IPO11: variants seen among roughly 807,000 people sequenced by gnomAD.
The protein encoded by IPO11 is importin 11, also known as importin-11.
Under a neutral mutation model 143.2 loss-of-function variants are expected in IPO11, and 66 were observed. The ratio of observed to expected loss-of-function variants is 0.46; its 90% confidence interval spans 0.38 to 0.57. The LOEUF (loss-of-function observed/expected upper bound fraction) is 0.57. IPO11 is among the 20% of genes least tolerant of loss of function. The probability of loss-of-function intolerance (pLI) is 0.00; values close to 1 mark genes in which losing one functional copy is unlikely to be tolerated. For missense variants in IPO11, 1,026 were observed against 1,141.0 expected, an observed-to-expected ratio of 0.90 and a Z score of 1.45; for synonymous variants, 385 against 377.8, an observed-to-expected ratio of 1.02 and a Z score of -0.22.
intron 22 of IPO11, among the ~76,000 whole-genome samples, chr5:62,531,112 TGA>T (rs1375848258): frequency 3.3e-5 from 5 of 152,176 alleles, no homozygotes; most frequent in African/African-American, 1.2e-4. Context: ...CATTTATAAA[TGA>T]GAACATACAT....
At chr5:62,618,137 A>G (rs1746210322) in intron 29 of IPO11, among the ~76,000 whole-genome samples, 1 of 152,188 alleles carries the variant, frequency 6.6e-6, no homozygotes, top group Non-Finnish European at 1.5e-5. Flanking sequence ...TAGAACAGAA[A>G]TAGTACAGGT....
intron 21 of IPO11, among the ~76,000 whole-genome samples, chr5:62,528,702 A>T (rs1160887774): frequency 6.6e-6 from 1 of 152,160 alleles, no homozygotes; most frequent in East Asian, 1.9e-4. Context: ...GTATTTTCTC[A>T]ACAAAATATG....
intron 20 of IPO11, among the ~76,000 whole-genome samples, chr5:62,525,368 T>TTG (rs1182823548): frequency 5.3e-4 from 79 of 149,334 alleles, no homozygotes; most frequent in Middle Eastern, 3.4e-3. Flanking sequence ...TTTTTTTTTT[T>TTG]TGTGTGTGTG....
chr5:62,625,900 G>A (rs1441606163), intron 29 of IPO11, among the ~76,000 whole-genome samples: 2 of 152,172 alleles, frequency 1.3e-5, no homozygotes, highest in African/African-American at 4.8e-5. Flanking sequence ...ATTTTTTAGA[G>A]TAATCTTCTT....
intron 28 of IPO11, among the ~76,000 whole-genome samples, chr5:62,593,095 A>G (rs1234074931): frequency 1.3e-5 from 2 of 152,210 alleles, no homozygotes; most frequent in African/African-American, 2.4e-5. Context: ...TTAAAACACT[A>G]GTGATGAATG....
At chr5:62,533,806 A>G (rs955984256) in intron 22 of IPO11, among the ~76,000 whole-genome samples, 3 of 152,142 alleles carry the variant, frequency 2.0e-5, no homozygotes, top group Non-Finnish European at 4.4e-5. Flanking sequence ...ACAAGAAATA[A>G]AAGTTAGCCG....
At chr5:62,616,980 G>A (rs1327422490) in intron 29 of IPO11, among the ~76,000 whole-genome samples, 5 of 152,138 alleles carry the variant, frequency 3.3e-5, no homozygotes, top group Admixed American at 2.0e-4. Context: ...TGCCTTTAAA[G>A]GTTCTCATTC....
intron 13 of IPO11, among the ~76,000 whole-genome samples, chr5:62,488,218 G>C (rs1362389885): frequency 6.6e-6 from 1 of 152,194 alleles, no homozygotes; most frequent in East Asian, 1.9e-4. Flanking sequence ...GGAAATAATT[G>C]ATTATGGATT....
chr5:62,521,295 G>A (rs187733035), intron 20 of IPO11, among the ~76,000 whole-genome samples: 3 of 152,284 alleles, frequency 2.0e-5, no homozygotes, highest in East Asian at 1.9e-4. Flanking sequence ...TTGAGATATT[G>A]CATGTGCGAA....
intron 5 of IPO11, among the ~76,000 whole-genome samples, chr5:62,453,085 C>G (rs16890754): frequency 0.018 from 2,641 of 150,834 alleles, 256 homozygotes; most frequent in African/African-American, 0.063. Flanking sequence ...TATTTCAGGT[C>G]TGTTCTGAAT....
At chr5:62,518,343 C>G (rs574886455) in intron 20 of IPO11, among the ~76,000 whole-genome samples, 157 of 151,932 alleles carry the variant, frequency 1.0e-3, no homozygotes, top group African/African-American at 3.6e-3. Context: ...ACTCAGGAGG[C>G]TGAGGCAGGA....
intron 13 of IPO11, among the ~76,000 whole-genome samples, 179 bp downstream of exon 13, chr5:62,488,040 G>T (rs564433571): frequency 6.6e-6 from 1 of 152,190 alleles, no homozygotes; most frequent in Non-Finnish European, 1.5e-5. Context: ...GATAGGCCTT[G>T]AATTATAGTT....
chr5:62,417,321 ATTTTTTT>A lies in IPO11; in HGVS notation c.-7+4412_-7+4418del, dbSNP rs34767317. Among the ~76,000 whole-genome samples the A allele has an allele frequency of 3.1e-4, 20 of 65,348 alleles. 1 individual carries two copies. The highest frequency in any genetic ancestry group is 8.9e-4 in the African/African-American group (14 of 15,726). 42.9% of individuals were successfully genotyped at this position (65,348 alleles called of 152,430 possible). A position where few individuals can be genotyped will look rare whatever the true frequency, so the allele number is the denominator to read the frequency against. The stretch of plus-strand genomic sequence containing the variant: ...ATTTTCTTCACCTCCTTATTGGTTA[ATTTTTTT>A]TTTTTTTTTTTTTTTTTTTGGTATT... On this transcript the variant is annotated intron_variant, in intron 1 of 29. Transcript: ENST00000325324.
At chr5:62,507,882 A>G (rs1372678858) in intron 19 of IPO11, among the ~76,000 whole-genome samples, 1 of 152,258 alleles carries the variant, frequency 6.6e-6, no homozygotes, top group Non-Finnish European at 1.5e-5. Context: ...TAAGCAGCTT[A>G]CATGCCTATA....
chr5:62,533,343 C>T (rs1742623683), intron 22 of IPO11, among the ~76,000 whole-genome samples: 1 of 151,812 alleles, frequency 6.6e-6, no homozygotes, highest in Non-Finnish European at 1.5e-5. Context: ...TCCCGAGTAG[C>T]TGGGATTATA....
In IPO11 at chr5:62,487,448, A is replaced by G. The variant is rs541875040; in HGVS notation, c.1219-323A>G. Among the ~76,000 whole-genome samples the G allele has an allele frequency of 2.6e-3, 400 of 152,266 alleles. 1 individual carries two copies. The highest frequency in any genetic ancestry group is 4.1e-3 in the Non-Finnish European group (277 of 68,014). On this transcript the variant is annotated intron_variant, in intron 12 of 29. Transcript: ENST00000325324. ...CATTTATAGTACTGAGCTATAAATG[A>G]GTGGCTACAGAATGCTTTTTAAATT... is the stretch of plus-strand genomic sequence containing the variant.
intron 27 of IPO11, among the ~76,000 whole-genome samples, chr5:62,588,596 C>T (rs1238099926): frequency 3.3e-5 from 5 of 152,286 alleles, no homozygotes; most frequent in African/African-American, 1.2e-4. Flanking sequence ...CCACTTTTAA[C>T]CCCATTCTCT....
chr5:62,453,956 C>T (rs1228949227), intron 5 of IPO11, among the ~76,000 whole-genome samples: 4 of 151,910 alleles, frequency 2.6e-5, no homozygotes, highest in African/African-American at 7.3e-5. Flanking sequence ...AATGGTGAAA[C>T]CCTATCTCTA....
chr5:62,577,272 G>C (rs1248831792), intron 27 of IPO11, among the ~76,000 whole-genome samples: 1 of 152,034 alleles, frequency 6.6e-6, no homozygotes, highest in African/African-American at 2.4e-5. Context: ...TCAGTTTTTA[G>C]AATGTGAGAA....
Sources: allele counts gnomAD v4.1 joint callset (sites outside exome capture counted in the v4.1 genomes callset), GRCh38; gene constraint gnomAD v4.1.1; transcripts MANE v1.5; gene names NCBI Gene and HGNC (gene_info 2026-07-23, HGNC 2026-07-21).